The following DSCAM variants were observed in gnomAD, a reference collection of about 807,000 sequenced individuals.
The protein encoded by DSCAM is DS cell adhesion molecule, also known as cell adhesion molecule DSCAM.
In DSCAM, 47 loss-of-function variants were observed where a neutral mutation model predicts 217.7. The ratio of observed to expected loss-of-function variants is 0.22; its 90% CI spans 0.17 to 0.28. The LOEUF (loss-of-function observed/expected upper bound fraction) is 0.28. Ranked by LOEUF, DSCAM falls within the 10% of genes least tolerant of loss-of-function variation. The pLI is 1.00. For missense variants in DSCAM, 2,080 were observed against 2,618.3 expected, an observed-to-expected ratio of 0.79 and a Z score of 4.49; for synonymous variants, 1,056 against 1,015.3, an observed-to-expected ratio of 1.04 and a Z score of -0.76.
chr21:40,756,503 T>A (rs2091277866), intron 1 of DSCAM, among the ~76,000 whole-genome samples: 2 of 152,216 alleles, frequency 1.3e-5, no homozygotes, highest in African/African-American at 2.4e-5. Context: ...GTGATTGTCC[T>A]GCCTCAGCCT....
chr21:40,124,997 C>A (rs1178505453), intron 19 of DSCAM, among the ~76,000 whole-genome samples: 1 of 152,136 alleles, frequency 6.6e-6, no homozygotes, highest in Non-Finnish European at 1.5e-5. Context: ...TGGGGATGAA[C>A]CTTTTGGATC....
At chr21:40,574,747 C>T (rs866563910) in intron 3 of DSCAM, among the ~76,000 whole-genome samples, 34 of 147,082 alleles carry the variant, frequency 2.3e-4, no homozygotes, top group African/African-American at 7.4e-4. Context: ...CTTGCTCTGT[C>T]GCCTAGGCTG....
At chr21:40,339,971 A>G (rs1263380532) in intron 6 of DSCAM, among the ~76,000 whole-genome samples, 2 of 152,222 alleles carry the variant, frequency 1.3e-5, no homozygotes, top group African/African-American at 4.8e-5. Flanking sequence ...TTTTCTCATA[A>G]GAAATCCTCT....
intron 10 of DSCAM, among the ~76,000 whole-genome samples, chr21:40,286,781 G>A (rs934970039): frequency 4.2e-5 from 6 of 141,238 alleles, no homozygotes; most frequent in South Asian, 2.2e-4. Flanking sequence ...GATCTGAAGC[G>A]TGATCTGCAG....
intron 20 of DSCAM, among the ~76,000 whole-genome samples, chr21:40,094,100 C>T (rs1244041966): frequency 6.6e-6 from 1 of 152,108 alleles, no homozygotes; most frequent in Non-Finnish European, 1.5e-5. Flanking sequence ...AAATAATTTA[C>T]CCCTTTACAT....
At position 40,276,224 on chromosome 21, in the gene DSCAM, G is replaced by C; in HGVS notation, c.2229C>G (p.Ile743Met). The change falls in exon 11 of 33, where the codon ATC (isoleucine) becomes ATG (methionine). Residue 743 changes from isoleucine (I) to methionine (M), a missense_variant. Physicochemically the swap from Ile to Met is conservative, Grantham distance 10. Around this residue, in one of 5 missense-constraint regions of DSCAM, gnomAD observed 218 missense variants for 364.1 expected, o/e 0.60. Coordinates refer to ENST00000400454, the MANE Select transcript of DSCAM (RefSeq NM_001389.5). ...QFQPIALNGRIQVLSNGSLLI... is the reference protein window; with the variant it reads ...QFQPIALNGRMQVLSNGSLLI... Reference sequence around the variant, plus strand: ...GCAACGACCCATTGCTGAGAACTTGGATTCGGCCATTTAGGGCAATTGGCT... The same window carrying C: ...GCAACGACCCATTGCTGAGAACTTGCATTCGGCCATTTAGGGCAATTGGCT... The C allele has an allele frequency of 6.2e-7, 1 of 1,612,794 alleles. No homozygotes were observed. The highest frequency in any genetic ancestry group is 8.5e-7 in the Non-Finnish European group (1 of 1,179,432).
At chr21:40,255,512 T>C (rs2073358866) in intron 11 of DSCAM, among the ~76,000 whole-genome samples, 1 of 152,166 alleles carries the variant, frequency 6.6e-6, no homozygotes, top group Non-Finnish European at 1.5e-5. Context: ...ATTCTGCTGA[T>C]GGAATGAAGG....
chr21:40,325,248 C>T (rs1055859107), intron 8 of DSCAM, among the ~76,000 whole-genome samples: 4 of 152,136 alleles, frequency 2.6e-5, no homozygotes, highest in Admixed American at 6.5e-5. Flanking sequence ...TCTGACAGCA[C>T]CATCATGGTA....
intron 2 of DSCAM, among the ~76,000 whole-genome samples, chr21:40,706,180 C>CA (rs560131166): frequency 0.022 from 2,178 of 99,148 alleles, 23 homozygotes; most frequent in East Asian, 0.034. Flanking sequence ...ACTCCAGTCT[C>CA]AAAAAAAAAA....
intron 11 of DSCAM, among the ~76,000 whole-genome samples, chr21:40,231,141 TTA>T (rs1555892330): frequency 2.6e-5 from 4 of 151,388 alleles, no homozygotes; most frequent in African/African-American, 9.7e-5. Flanking sequence ...TTTTTTTTTT[TTA>T]AATTTTCCGT....
chr21:40,805,438 A>T (rs1413585090), intron 1 of DSCAM, among the ~76,000 whole-genome samples: 2 of 152,188 alleles, frequency 1.3e-5, no homozygotes, highest in African/African-American at 4.8e-5. Flanking sequence ...GAGTCCAGAC[A>T]GGAGACTGGA....
intron 3 of DSCAM, among the ~76,000 whole-genome samples, chr21:40,547,881 G>A (rs574172097): frequency 4.6e-5 from 7 of 152,324 alleles, no homozygotes; most frequent in Admixed American, 4.6e-4. Context: ...ACGAAGGCAG[G>A]CAGGCAGCAT....
chr21:40,746,257 A>C (rs2146551417), intron 1 of DSCAM, among the ~76,000 whole-genome samples: 1 of 151,996 alleles, frequency 6.6e-6, no homozygotes, highest in South Asian at 2.1e-4. Flanking sequence ...AGAGACATAG[A>C]GTGACTGAAT....
intron 20 of DSCAM, among the ~76,000 whole-genome samples, chr21:40,098,347 T>C (rs536135382): frequency 3.5e-4 from 54 of 152,298 alleles, no homozygotes; most frequent in Admixed American, 2.9e-3. Flanking sequence ...GACATAGACC[T>C]AGATAGGTCA....
intron 16 of DSCAM, among the ~76,000 whole-genome samples, chr21:40,155,936 C>G (rs906726395): frequency 6.6e-6 from 1 of 152,008 alleles, no homozygotes; most frequent in African/African-American, 2.4e-5. Context: ...AAGCTGGAGG[C>G]CAAGGCAGGG....
intron 11 of DSCAM, among the ~76,000 whole-genome samples, chr21:40,252,202 T>G (rs1470190537): frequency 1.3e-5 from 2 of 152,222 alleles, no homozygotes; most frequent in African/African-American, 4.8e-5. Flanking sequence ...CATTTTAAGC[T>G]GCAAAATCTG....
chr21:40,022,683 C>G (rs542248135), intron 32 of DSCAM, among the ~76,000 whole-genome samples: 1 of 152,298 alleles, frequency 6.6e-6, no homozygotes, highest in East Asian at 1.9e-4. Context: ...GTGTTGAAAT[C>G]CTGTCTCTGC....
At chr21:40,416,221 G>A (rs1448910484) in intron 3 of DSCAM, among the ~76,000 whole-genome samples, 1 of 151,968 alleles carries the variant, frequency 6.6e-6, no homozygotes. Flanking sequence ...ATTTCTTTGT[G>A]GCATTTTTCT....
intron 32 of DSCAM, among the ~76,000 whole-genome samples, chr21:40,014,473 T>C (rs2088121232): frequency 6.6e-6 from 1 of 152,122 alleles, no homozygotes; most frequent in Non-Finnish European, 1.5e-5. Context: ...AAGGGAGGCA[T>C]GTGTTCTCTG....
Sources: allele counts gnomAD v4.1 joint callset (sites outside exome capture counted in the v4.1 genomes callset), GRCh38; gene constraint gnomAD v4.1.1; regional missense constraint gnomAD v4.1.1; transcripts MANE v1.5; gene names NCBI Gene and HGNC (gene_info 2026-07-23, HGNC 2026-07-21).